Variants in EMID1 observed in about 807,000 individuals in gnomAD.
EMID1 encodes the protein EMI domain-containing protein 1.
EMID1 carries 40 observed loss-of-function variants against 60.6 expected under a neutral mutation model. The observed-to-expected ratio is 0.66, with a 90% CI of 0.51 to 0.86. The LOEUF (loss-of-function observed/expected upper bound fraction) is 0.86, where lower values mean the gene tolerates loss of function less well. Ranked by LOEUF, EMID1 falls within the 40% of genes least tolerant of loss-of-function variation. The pLI, the probability that EMID1 is intolerant of heterozygous loss-of-function variation, is 0.00. For synonymous variants in EMID1, 242 were observed against 231.0 expected (o/e 1.05, Z -0.43); for missense variants, 585 against 597.1 (o/e 0.98, Z 0.21).
chr22:29,241,599 G>A (rs1243415583), intron 12 of EMID1, among the ~76,000 whole-genome samples: 2 of 151,984 alleles, frequency 1.3e-5, no homozygotes, highest in East Asian at 3.9e-4. Flanking sequence ...ATGTTGGTTA[G>A]GCTGGTCTTG....
chr22:29,208,026 T>C (rs1401067589), intron 1 of EMID1, among the ~76,000 whole-genome samples: 2 of 152,216 alleles, frequency 1.3e-5, no homozygotes, highest in Non-Finnish European at 2.9e-5. Context: ...GCTCTCAGTT[T>C]CCTTCTTTCC....
chr22:29,227,725 A>AAC lies in EMID1; in HGVS notation c.465+1175_465+1176insCA, dbSNP rs1555885233. 1.6e-3 allele frequency among the ~76,000 whole-genome samples: 218 copies of AAC among 136,146 alleles called. 1 individual carries two copies. The East Asian group carries it at 0.026, about 16-fold the overall frequency. The allele number at this position is 136,146 out of a possible 152,430, so 89.3% of individuals were successfully genotyped here. On this transcript the variant is annotated intron_variant, in intron 5 of 14. Coordinates refer to ENST00000334018, the MANE Select transcript of EMID1 (RefSeq NM_133455.4). ...GTCTCAAAAAAAAAAAAAAAAAAAA[A>AAC]AACAAATTAGGCCAGGCGCAGTGGC... is the stretch of plus-strand genomic sequence containing the variant.
At chr22:29,244,010 C>T (rs1482900386) in intron 13 of EMID1, among the ~76,000 whole-genome samples, 1 of 152,196 alleles carries the variant, frequency 6.6e-6, no homozygotes, top group East Asian at 1.9e-4. Flanking sequence ...TACCACCATA[C>T]ACATCGGAAA....
intron 8 of EMID1, chr22:29,232,705 G>C (rs2146303148): frequency 6.1e-6 from 2 of 330,354 alleles, no homozygotes; most frequent in Middle Eastern, 1.7e-3. Flanking sequence ...CCCAAGCCTT[G>C]GAACTGGCTG....
chr22:29,212,840 C>T (rs1043825983), intron 1 of EMID1, among the ~76,000 whole-genome samples: 5 of 152,196 alleles, frequency 3.3e-5, no homozygotes, highest in African/African-American at 9.7e-5. Flanking sequence ...GGTGGGATTA[C>T]AGGCATGAGC....
chr22:29,213,810 CAGAG>C, intron 1 of EMID1, among the ~76,000 whole-genome samples: 1 of 152,178 alleles, frequency 6.6e-6, no homozygotes, highest in African/African-American at 2.4e-5. Context: ...GGGGCGTTTA[CAGAG>C]CCACAGACCG....
At chr22:29,212,399 G>A (rs976064673) in intron 1 of EMID1, among the ~76,000 whole-genome samples, 1 of 151,108 alleles carries the variant, frequency 6.6e-6, no homozygotes, top group South Asian at 2.1e-4. Flanking sequence ...GCCTCCAAAA[G>A]GGCTGAAATC....
chr22:29,230,936 C>A (rs1568986610), intron 5 of EMID1, 84 bp from the exon 6 acceptor site: 2 of 1,521,540 alleles, frequency 1.3e-6, no homozygotes, highest in African/African-American at 1.4e-5. Flanking sequence ...GCCTGGGCAA[C>A]AGAGCAAAAC....
At chr22:29,231,813 C>T in intron 7 of EMID1, 131 bp downstream of exon 7, 1 of 865,976 alleles carries the variant, frequency 1.2e-6, no homozygotes, top group South Asian at 2.1e-5. Context: ...CAGCACCCCA[C>T]CACGGAGTGC....
chr22:29,226,461 C>A, intron 4 of EMID1, 29 bp from the exon 5 acceptor site: 1 of 1,609,652 alleles, frequency 6.2e-7, no homozygotes. Context: ...GACCCTTGGC[C>A]CTGGCCCCAG....
At chr22:29,206,243 G>GCCCTCA in intron 1 of EMID1, 104 bp downstream of exon 1, 2 of 913,806 alleles carry the variant, frequency 2.2e-6, no homozygotes, top group Non-Finnish European at 2.8e-6. Context: ...CCAGTCCCCA[G>GCCCTCA]CCCGGGTGAG....
intron 14 of EMID1, chr22:29,255,458 C>A (rs904546150): frequency 1.8e-5 from 16 of 885,452 alleles, no homozygotes; most frequent in Non-Finnish European, 2.4e-5. Flanking sequence ...TTGGCCCAGG[C>A]CAGCGGACAC....
intron 4 of EMID1, 150 bp downstream of exon 4, chr22:29,225,366 G>C: frequency 1.2e-6 from 1 of 862,052 alleles, no homozygotes; most frequent in Non-Finnish European, 1.7e-6. Flanking sequence ...TGCTCCCCAG[G>C]CTACAAAAGT....
intron 3 of EMID1, among the ~76,000 whole-genome samples, chr22:29,221,566 G>A (rs534396702): frequency 8.3e-4 from 127 of 152,136 alleles, no homozygotes; most frequent in African/African-American, 2.6e-3. Context: ...AGTAGAGATG[G>A]GCTTTCACCA....
intron 13 of EMID1, among the ~76,000 whole-genome samples, chr22:29,246,591 C>T (rs889936043): frequency 9.9e-5 from 15 of 152,160 alleles, no homozygotes; most frequent in Non-Finnish European, 1.9e-4. Context: ...AAAAGAGAAC[C>T]AGGAGAAGCA....
At chr22:29,243,606 A>C (rs1469422676) in intron 13 of EMID1, 117 bp downstream of exon 13, 1 of 1,200,468 alleles carries the variant, frequency 8.3e-7, no homozygotes, top group Non-Finnish European at 1.2e-6. Flanking sequence ...TCCCCACTAC[A>C]GCCTGGTCTC....
chr22:29,256,809 C>T (rs112769598), intron 14 of EMID1, among the ~76,000 whole-genome samples: 7 of 152,106 alleles, frequency 4.6e-5, no homozygotes, highest in African/African-American at 7.2e-5. Context: ...GGAAGTGGGT[C>T]GGGCAGCCTT....
chr22:29,215,650 T>C lies in EMID1; in HGVS notation c.319+20T>C, dbSNP rs772087813. ...AGGAAGGTAGGACTGCCCGGCCGGC[T>C]CCCGGAGCCCTGCGACAGCAGGCCA... On this transcript the variant is annotated intron_variant, in intron 3 of 14. Transcript: ENST00000334018. 6.8e-6 allele frequency: 11 copies of C among 1,607,614 alleles called. No individual in the cohort carries two copies. The South Asian group carries it at 1.2e-4, about 18-fold the overall frequency.
At position 29,231,008 on chromosome 22, in the gene EMID1, C is replaced by T; in HGVS notation, c.466-12C>T. ...ACCCTGGTACCCACCCCGTCCCTGT[C>T]TTCCTCTTCAGATGACCATGCTGAC... On this transcript the variant is annotated splice_polypyrimidine_tract_variant and intron_variant, in intron 5 of 14. Coordinates refer to ENST00000334018, the MANE Select transcript of EMID1 (RefSeq NM_133455.4). 1 of 1,611,330 alleles carries T rather than the reference C, an allele frequency of 6.2e-7. No individual in the cohort carries two copies. Among genetic ancestry groups the T allele is most frequent in the Non-Finnish European group, 8.5e-7 (1 of 1,178,678 alleles).
Sources: allele counts gnomAD v4.1 joint callset (sites outside exome capture counted in the v4.1 genomes callset), GRCh38; gene constraint gnomAD v4.1.1; transcripts MANE v1.5; gene names NCBI Gene and HGNC (gene_info 2026-07-23, HGNC 2026-07-21).